ZNF565: variants seen among roughly 807,000 people sequenced by gnomAD.
ZNF565 encodes zinc finger protein 565.
Under a neutral mutation model 39.4 loss-of-function variants are expected in ZNF565, and 27 were observed. That is an observed-to-expected ratio of 0.69 (90% CI 0.51 to 0.95). ZNF565 has a LOEUF of 0.95. Among genes scored for constraint, ZNF565 ranks in the 40% least tolerant of loss-of-function variants. ZNF565 has a pLI of 0.00. For missense variants in ZNF565, 524 were observed against 621.1 expected (o/e 0.84, Z 1.66); for synonymous variants, 185 against 216.6 (o/e 0.85, Z 1.28).
intron 1 of ZNF565, among the ~76,000 whole-genome samples, chr19:36,225,191 G>A (rs939947225): frequency 6.6e-6 from 1 of 152,174 alleles, no homozygotes; most frequent in African/African-American, 2.4e-5. Flanking sequence ...GTCAGTGGGA[G>A]TGTGAGCAGA....
intron 1 of ZNF565, among the ~76,000 whole-genome samples, chr19:36,212,787 T>C (rs1976409068): frequency 6.6e-6 from 1 of 152,138 alleles, no homozygotes; most frequent in Non-Finnish European, 1.5e-5. Context: ...AAATTACTCC[T>C]ATGGCAAATA....
chr19:36,220,640 A>G (rs1221960041), intron 1 of ZNF565, among the ~76,000 whole-genome samples: 1 of 151,878 alleles, frequency 6.6e-6, no homozygotes, highest in Non-Finnish European at 1.5e-5. Flanking sequence ...CGCTGGGATT[A>G]CAGGCGTGAG....
intron 1 of ZNF565, among the ~76,000 whole-genome samples, chr19:36,204,124 AT>A (rs1311611910): frequency 6.6e-6 from 1 of 150,940 alleles, no homozygotes; most frequent in Non-Finnish European, 1.5e-5. Flanking sequence ...TAATTTTTGC[AT>A]TTTTGGTACA....
chr19:36,239,216 G>A (rs1409536522), intron 1 of ZNF565, among the ~76,000 whole-genome samples: 1 of 152,038 alleles, frequency 6.6e-6, no homozygotes, highest in South Asian at 2.1e-4. Context: ...ACATGCACAG[G>A]CTTCATATAA....
chr19:36,193,958 C>A (rs998285247), intron 4 of ZNF565, among the ~76,000 whole-genome samples: 2 of 152,016 alleles, frequency 1.3e-5, no homozygotes, highest in African/African-American at 2.4e-5. Flanking sequence ...ATACAAAGTA[C>A]AGGTAAAAAG....
At position 36,185,523 on chromosome 19, in the gene ZNF565, G is replaced by C. The variant is rs577241246; in HGVS notation, c.233-1790C>G. Among the ~76,000 whole-genome samples, 7 of 151,960 alleles carry C rather than the reference G, an allele frequency of 4.6e-5. No individual in the cohort carries two copies. The South Asian group carries it at 1.5e-3, about 32-fold the overall frequency. On this transcript the variant is annotated intron_variant, in intron 4 of 4. Coordinates refer to ENST00000304116, the MANE Select transcript of ZNF565 (RefSeq NM_152477.5). ...ACCACTGTGTCTCAGCAAGAGCAGG[G>C]CCTCTTCACATTGAACATTCTCCCC...
chr19:36,199,657 G>C (rs954617607), intron 2 of ZNF565, among the ~76,000 whole-genome samples: 1 of 151,928 alleles, frequency 6.6e-6, no homozygotes, highest in Non-Finnish European at 1.5e-5. Flanking sequence ...CAGGTGGCAT[G>C]CCACTGCACC....
intron 1 of ZNF565, chr19:36,237,718 GT>G (rs1977696333): frequency 5.6e-6 from 1 of 177,136 alleles, no homozygotes; most frequent in South Asian, 1.7e-4. Flanking sequence ...TAAGACTCCT[GT>G]GGTATTGATT....
chr19:36,229,947 T>C (rs1280879077), intron 1 of ZNF565, among the ~76,000 whole-genome samples: 15 of 152,232 alleles, frequency 9.9e-5, no homozygotes, highest in Admixed American at 9.8e-4. Context: ...CTCCAACTCC[T>C]ATCCTCAAGT....
chr19:36,239,220 C>T (rs181574157), intron 1 of ZNF565, among the ~76,000 whole-genome samples: 1 of 152,194 alleles, frequency 6.6e-6, no homozygotes, highest in Admixed American at 6.5e-5. Flanking sequence ...GCACAGGCTT[C>T]ATATAATTGG....
chr19:36,237,123 C>T, intron 1 of ZNF565: 1 of 1,614,156 alleles, frequency 6.2e-7, no homozygotes, highest in Non-Finnish European at 8.5e-7. Context: ...TCATCTCTCA[C>T]TGTGCATGTG....
intron 3 of ZNF565, 151 bp from the exon 4 acceptor site, chr19:36,194,479 T>G (rs1163162530): frequency 3.6e-6 from 2 of 559,198 alleles, no homozygotes; most frequent in Non-Finnish European, 6.1e-6. Context: ...ATGACTTGTT[T>G]CTAGTTCCAC....
intron 1 of ZNF565, among the ~76,000 whole-genome samples, chr19:36,212,409 C>G (rs1027511065): frequency 1.3e-5 from 2 of 152,016 alleles, no homozygotes. Flanking sequence ...GCCAGGAGTT[C>G]GAGACCAGTC....
In ZNF565 at chr19:36,245,654, T is replaced by C. The variant is rs2145482466; in HGVS notation, c.-124A>G. ...CCCGAATTGGTGCTTTGGCAGAGTCTCTGGTGCCCGGGTGAATGGGTTCAG... is the reference window on the plus strand; with the variant it reads ...CCCGAATTGGTGCTTTGGCAGAGTCCCTGGTGCCCGGGTGAATGGGTTCAG... On this transcript the variant is annotated 5_prime_UTR_variant, in exon 1 of 5. Transcript: ENST00000355114. This position sits in a 1 kb window ranked among gnomAD's most constrained non-coding sequence, Gnocchi z 4.4. The C allele has an allele frequency of 4.4e-6, 3 of 685,782 alleles. No homozygotes were observed. The highest frequency in any genetic ancestry group is 2.7e-5 in the East Asian group (1 of 37,112). The allele number at this position is 685,782 out of a possible 1,614,324, so 42.5% of individuals were successfully genotyped here. A position where few individuals can be genotyped will look rare whatever the true frequency, so the allele number is the denominator to read the frequency against.
intron 1 of ZNF565, among the ~76,000 whole-genome samples, chr19:36,226,460 A>G (rs1176721316): frequency 6.6e-6 from 1 of 152,190 alleles, no homozygotes; most frequent in African/African-American, 2.4e-5. Context: ...TTACAACTTT[A>G]TAGAAGAGTT....
At chr19:36,240,869 CAAA>C (rs72407392) in intron 1 of ZNF565, among the ~76,000 whole-genome samples, 2 of 134,882 alleles carry the variant, frequency 1.5e-5, no homozygotes. Flanking sequence ...GACTCTATCT[CAAA>C]AAAAAAAAAA....
chr19:36,245,731 G>A lies in ZNF565; in HGVS notation c.-201C>T. 1.7e-6 allele frequency: 1 copy of A among 576,046 alleles called. No homozygotes were observed. Among genetic ancestry groups the A allele is most frequent in the Non-Finnish European group, 3.1e-6 (1 of 323,850 alleles). 35.7% of individuals were successfully genotyped at this position (576,046 alleles called of 1,614,324 possible). A position where few individuals can be genotyped will look rare whatever the true frequency, so the allele number is the denominator to read the frequency against. On this transcript the variant is annotated 5_prime_UTR_variant, in exon 1 of 5. Coordinates refer to the ZNF565 transcript ENST00000355114. The surrounding 1 kb of genome is among the most constrained non-coding windows in gnomAD (Gnocchi z 4.4). Reference sequence around the variant, plus strand: ...ATGCCTCGAGCTATGACCCACCCTGGCTCCGTCCACGGTTGTCGGGGTCCC... The same window carrying A: ...ATGCCTCGAGCTATGACCCACCCTGACTCCGTCCACGGTTGTCGGGGTCCC...
Position 36,195,133 on chromosome 19 carries a change from C to T in ZNF565, c.33G>A (p.Val11=). The change falls in exon 3 of 5, where the codon GTG becomes GTA. Residue 11 remains valine, a synonymous_variant. Coordinates refer to ENST00000304116, the MANE Select transcript of ZNF565 (RefSeq NM_152477.5). The stretch of plus-strand genomic sequence containing the variant: ...ATTCTTCCAGAGAGAACTCTATGGC[C>T]ACGTCCCTGAATGTCACCAGTCCCT... MAQGLVTFRD[V]AIEFSLEEWK... 3 of 1,614,106 alleles carry T rather than the reference C, an allele frequency of 1.9e-6. No homozygotes were observed. Among genetic ancestry groups the T allele is most frequent in the Non-Finnish European group, 2.5e-6 (3 of 1,179,972 alleles).
At chr19:36,205,445 T>C (rs57139776) in intron 1 of ZNF565, among the ~76,000 whole-genome samples, 4,020 of 152,138 alleles carry the variant, frequency 0.026, 186 homozygotes, top group African/African-American at 0.089. Flanking sequence ...GGAGAATTGC[T>C]TGAACTCAGG....
Sources: allele counts gnomAD v4.1 joint callset (sites outside exome capture counted in the v4.1 genomes callset), GRCh38; gene constraint gnomAD v4.1.1; non-coding constraint Gnocchi (gnomAD v3.1); transcripts MANE v1.5; gene names NCBI Gene and HGNC (gene_info 2026-07-23, HGNC 2026-07-21).